The following EGFLAM variants were observed in gnomAD, a reference collection of about 807,000 sequenced individuals.
EGFLAM encodes the protein pikachurin.
A neutral mutation model predicts 113.1 loss-of-function variants in EGFLAM; 79 were observed. The observed-to-expected ratio is 0.70, with a 90% CI of 0.58 to 0.84. The LOEUF (loss-of-function observed/expected upper bound fraction) is 0.84, where lower values mean the gene tolerates loss of function less well. Among genes scored for constraint, EGFLAM ranks in the 40% least tolerant of loss-of-function variants. The pLI, the probability that EGFLAM is intolerant of heterozygous loss-of-function variation, is 0.00. For synonymous variants in EGFLAM, 504 were observed against 487.6 expected, an observed-to-expected ratio of 1.03 and a Z score of -0.44; for missense variants, 1,265 against 1,291.6, an observed-to-expected ratio of 0.98 and a Z score of 0.32.
intron 14 of EGFLAM, among the ~76,000 whole-genome samples, chr5:38,428,496 T>G (rs1332644474): frequency 6.6e-6 from 1 of 152,236 alleles, no homozygotes; most frequent in East Asian, 1.9e-4. Context: ...ATTGATTCAA[T>G]TTACATATGA....
At position 38,431,246 on chromosome 5, in the gene EGFLAM, C is replaced by G. The variant is rs201020203; in HGVS notation, c.2124C>G (p.Ile708Met). The G allele has an allele frequency of 6.2e-7, 1 of 1,614,176 alleles. No homozygotes were observed. Among genetic ancestry groups the G allele is most frequent in the East Asian group, 2.2e-5 (1 of 44,880 alleles). Residue 708 changes from isoleucine (I) to methionine (M), a missense_variant, in exon 15 of 22, where the codon ATC (isoleucine) becomes ATG (methionine). Transcript: ENST00000322350. ...TATCTCGCACAGCAAAGAATGGAATCTTACAGGTGGATAAGCAGAAGATAG... is the reference window on the plus strand; with the variant it reads ...TATCTCGCACAGCAAAGAATGGAATGTTACAGGTGGATAAGCAGAAGATAG... Reference protein sequence around the residue: ...LRVSRTAKNGILQVDKQKIVE... With the variant: ...LRVSRTAKNGMLQVDKQKIVE...
At chr5:38,305,016 T>TA (rs1758688690) in intron 1 of EGFLAM, among the ~76,000 whole-genome samples, 1 of 151,568 alleles carries the variant, frequency 6.6e-6, no homozygotes, top group Admixed American at 6.6e-5. Flanking sequence ...TTTTGGAAAG[T>TA]AGAACAAAAA....
chr5:38,315,536 T>G (rs971116602), intron 1 of EGFLAM, among the ~76,000 whole-genome samples: 2 of 152,176 alleles, frequency 1.3e-5, no homozygotes, highest in African/African-American at 4.8e-5. Context: ...ATCTTATTGC[T>G]CCCAACTGAA....
At chr5:38,294,167 T>C (rs1224886721) in intron 1 of EGFLAM, among the ~76,000 whole-genome samples, 1 of 152,172 alleles carries the variant, frequency 6.6e-6, no homozygotes, top group African/African-American at 2.4e-5. Flanking sequence ...CTCCTTGTTA[T>C]AGGTTAAACT....
intron 2 of EGFLAM, 42 bp from the exon 3 acceptor site, chr5:38,338,652 ACAAG>A (rs1192670689): frequency 6.3e-7 from 1 of 1,586,404 alleles, no homozygotes; most frequent in Admixed American, 1.7e-5. Context: ...TTGATCTTAC[ACAAG>A]CACGGGCTCT....
At chr5:38,401,982 G>A (rs961803446) in intron 6 of EGFLAM, 6 of 152,200 alleles carry the variant, frequency 3.9e-5, no homozygotes, top group African/African-American at 1.4e-4. Context: ...TCCCAGAAGA[G>A]TCTGTTTTCT....
chr5:38,358,171 C>A (rs1042676560), intron 5 of EGFLAM, among the ~76,000 whole-genome samples: 4 of 151,532 alleles, frequency 2.6e-5, no homozygotes, highest in African/African-American at 9.7e-5. Flanking sequence ...CCTGGCCGGG[C>A]GTGGTGGCTC....
At chr5:38,335,049 G>A (rs1739148554) in intron 1 of EGFLAM, among the ~76,000 whole-genome samples, 1 of 152,112 alleles carries the variant, frequency 6.6e-6, no homozygotes, top group Non-Finnish European at 1.5e-5. Context: ...ACAAAAACTA[G>A]GCAGCCCCAA....
At chr5:38,395,077 A>G (rs2112096560) in intron 6 of EGFLAM, among the ~76,000 whole-genome samples, 1 of 152,024 alleles carries the variant, frequency 6.6e-6, no homozygotes, top group Non-Finnish European at 1.5e-5. Context: ...AGTAGCTGGG[A>G]TTACAGGTCT....
intron 1 of EGFLAM, among the ~76,000 whole-genome samples, chr5:38,309,860 C>G (rs1305141415): frequency 6.6e-6 from 1 of 152,194 alleles, no homozygotes; most frequent in Non-Finnish European, 1.5e-5. Context: ...CAGGCAAAAT[C>G]CAACTTGCCT....
At position 38,464,097 on chromosome 5, in the gene EGFLAM, C is replaced by T; in HGVS notation, c.*111C>T. On this transcript the variant is annotated 3_prime_UTR_variant, in exon 22 of 22. Transcript: ENST00000322350. ...GGCCCAGGGACCAGGTGTGTTTCCT[C>T]TCACCAAGAAGAAAGTACACACTGA... The T allele has an allele frequency of 1.4e-6, 2 of 1,397,328 alleles. No homozygotes were observed. Among genetic ancestry groups the T allele is most frequent in the Non-Finnish European group, 1.9e-6 (2 of 1,033,166 alleles). 86.6% of individuals were successfully genotyped at this position (1,397,328 alleles called of 1,614,324 possible).
chr5:38,449,450 G>A (rs73075502), intron 18 of EGFLAM, among the ~76,000 whole-genome samples: 1,644 of 152,222 alleles, frequency 0.011, 26 homozygotes, highest in African/African-American at 0.037. Flanking sequence ...AAGAGAGACC[G>A]TCCTCCTTCT....
At chr5:38,280,494 C>T (rs1359678880) in intron 1 of EGFLAM, among the ~76,000 whole-genome samples, 1 of 152,148 alleles carries the variant, frequency 6.6e-6, no homozygotes, top group Non-Finnish European at 1.5e-5. Flanking sequence ...TTTCTTTTCC[C>T]CACTTCCCCC....
At position 38,337,557 on chromosome 5, in the gene EGFLAM, A is replaced by G; in HGVS notation, c.135A>G (p.Ala45=). 14 of 1,606,544 alleles carry G rather than the reference A, an allele frequency of 8.7e-6. No homozygotes were observed. Among genetic ancestry groups the G allele is most frequent in the South Asian group, 1.1e-5 (1 of 89,472 alleles). Residue 45 remains alanine (A), a synonymous_variant, in exon 2 of 22, where the codon GCA becomes GCG. Transcript: ENST00000322350. ...CTCCTCTTGACATCAAGCTGGGCGC[A>G]TTGAACTGTACGGCTTTCAGCATCC... is the stretch of plus-strand genomic sequence containing the variant. ...VGPPLDIKLG[A]LNCTAFSIQW... is the part of the protein sequence containing the mutation.
intron 1 of EGFLAM, among the ~76,000 whole-genome samples, chr5:38,287,936 G>A (rs1758208152): frequency 6.6e-6 from 1 of 152,188 alleles, no homozygotes; most frequent in South Asian, 2.1e-4. Flanking sequence ...GGAACACAGT[G>A]AGTGAGAAAT....
At chr5:38,411,771 C>T (rs891454749) in intron 10 of EGFLAM, among the ~76,000 whole-genome samples, 2 of 151,890 alleles carry the variant, frequency 1.3e-5, no homozygotes, top group Admixed American at 1.3e-4. Flanking sequence ...ATGTGAGCCA[C>T]TGTGCCCAGC....
intron 1 of EGFLAM, among the ~76,000 whole-genome samples, chr5:38,323,886 T>A (rs538305901): frequency 1.3e-5 from 2 of 151,966 alleles, no homozygotes; most frequent in African/African-American, 4.8e-5. Flanking sequence ...TCATCTCTAG[T>A]AAAAAGTTAA....
At chr5:38,430,712 C>T (rs1358292906) in intron 14 of EGFLAM, among the ~76,000 whole-genome samples, 1 of 152,068 alleles carries the variant, frequency 6.6e-6, no homozygotes, top group East Asian at 1.9e-4. Context: ...CTGAGAAGTC[C>T]CCTGGCCTGC....
chr5:38,261,793 G>A (rs567615752), intron 1 of EGFLAM, among the ~76,000 whole-genome samples: 26 of 152,290 alleles, frequency 1.7e-4, no homozygotes, highest in African/African-American at 6.3e-4. Flanking sequence ...CTGTCTACTG[G>A]CCTCATTTAT....
Sources: allele counts gnomAD v4.1 joint callset (sites outside exome capture counted in the v4.1 genomes callset), GRCh38; gene constraint gnomAD v4.1.1; transcripts MANE v1.5; gene names NCBI Gene and HGNC (gene_info 2026-07-23, HGNC 2026-07-21).